Variants in NTRK3 observed in about 807,000 individuals in gnomAD.
NTRK3 encodes the protein NT-3 growth factor receptor.
Under a neutral mutation model 91.7 loss-of-function variants are expected in NTRK3, and 24 were observed. The ratio of observed to expected loss-of-function variants is 0.26; its 90% CI spans 0.19 to 0.37. NTRK3 has a LOEUF of 0.37. Among genes scored for constraint, NTRK3 ranks in the 10% least tolerant of loss-of-function variants. The pLI, the probability that NTRK3 is intolerant of heterozygous loss-of-function variation, is 1.00. For synonymous variants in NTRK3, 483 were observed against 404.0 expected (o/e 1.20, Z -2.34); for missense variants, 880 against 1,068.9 (o/e 0.82, Z 2.46).
chr15:88,058,067 C>T (rs1484654790), intron 13 of NTRK3, among the ~76,000 whole-genome samples: 2 of 152,190 alleles, frequency 1.3e-5, no homozygotes, highest in Non-Finnish European at 2.9e-5. Flanking sequence ...ATCTCACTGG[C>T]TCTGCAAGCC....
intron 3 of NTRK3, among the ~76,000 whole-genome samples, chr15:88,217,768 T>TTTTTG (rs1289086791): frequency 6.6e-6 from 1 of 151,232 alleles, no homozygotes; most frequent in Admixed American, 6.6e-5. Flanking sequence ...AGCACAATTT[T>TTTTTG]TTTTTTTTGA....
At chr15:88,091,072 T>A (rs1021060235) in intron 13 of NTRK3, among the ~76,000 whole-genome samples, 4 of 152,222 alleles carry the variant, frequency 2.6e-5, no homozygotes, top group African/African-American at 9.6e-5. Flanking sequence ...AGTCAGGGGC[T>A]AGGGGAGTGG....
chr15:88,128,408 T>A (rs1469352751), intron 11 of NTRK3, among the ~76,000 whole-genome samples: 1 of 152,148 alleles, frequency 6.6e-6, no homozygotes, highest in East Asian at 1.9e-4. Flanking sequence ...TTGAGGCACA[T>A]GAAACCCATG....
chr15:88,137,260 G>C (rs2041962640), intron 7 of NTRK3, 144 bp downstream of exon 7: 1 of 878,624 alleles, frequency 1.1e-6, no homozygotes, highest in Non-Finnish European at 1.8e-6. Flanking sequence ...TGAGTCAGGA[G>C]GTCTGCACAC....
At chr15:88,117,114 T>C (rs1207588326) in intron 13 of NTRK3, among the ~76,000 whole-genome samples, 1 of 152,204 alleles carries the variant, frequency 6.6e-6, no homozygotes, top group Admixed American at 6.5e-5. Flanking sequence ...GAGTGTGGCC[T>C]AGGTTTGGGA....
chr15:88,152,575 C>A (rs1311353925), intron 5 of NTRK3, among the ~76,000 whole-genome samples: 2 of 152,252 alleles, frequency 1.3e-5, no homozygotes, highest in Non-Finnish European at 2.9e-5. Context: ...TCTTAGGCTT[C>A]TAGCCTCCAG....
rs1567261768 is a variant in NTRK3 at position 88,033,177 on chromosome 15, TA to T, written c.1397-133del. On this transcript the variant is annotated intron_variant, in intron 13 of 18. Coordinates refer to ENST00000394480, the Ensembl canonical transcript of NTRK3. ...TTTTTTTTACTTTTGGGGGGTGTGTTATATATATATATATATATATATATAT... is the reference window on the plus strand; with the variant it reads ...TTTTTTTTACTTTTGGGGGGTGTGTTTATATATATATATATATATATATAT... 1.5e-3 allele frequency: 123 copies of T among 82,560 alleles called. 8 individuals carry two copies. The African/African-American group carries it at 0.027, about 18-fold the overall frequency. The allele number at this position is 82,560 out of a possible 1,614,324, so 5.1% of individuals were successfully genotyped here.
At chr15:88,146,052 G>A (rs539899090) in intron 6 of NTRK3, among the ~76,000 whole-genome samples, 25 of 152,274 alleles carry the variant, frequency 1.6e-4, no homozygotes, top group Admixed American at 5.2e-4. Context: ...CTACCTTAAG[G>A]AATTGCCATA....
chr15:87,925,940 G>A (rs1225063920), intron 17 of NTRK3, among the ~76,000 whole-genome samples: 1 of 152,178 alleles, frequency 6.6e-6, no homozygotes, highest in Non-Finnish European at 1.5e-5. Flanking sequence ...AATATAAACA[G>A]GAGTTTATCC....
intron 3 of NTRK3, among the ~76,000 whole-genome samples, chr15:88,191,163 CGTGTGTGTGTGTGTGTGT>C (rs60048541): frequency 9.1e-4 from 125 of 137,966 alleles, no homozygotes; most frequent in African/African-American, 2.0e-3. Context: ...TGATGTTTCC[CGTGTGTGTGTGTGTGTGT>C]GTGTGTGTGT....
chr15:88,059,491 T>C (rs980945346), intron 13 of NTRK3, among the ~76,000 whole-genome samples: 1 of 152,150 alleles, frequency 6.6e-6, no homozygotes, highest in Non-Finnish European at 1.5e-5. Context: ...CCCATATAAA[T>C]ATTCTCCATG....
exon 19 of NTRK3, chr15:87,863,779 G>A (rs1182666483): frequency 1.7e-5 from 4 of 230,522 alleles, no homozygotes; most frequent in Admixed American, 1.1e-4. Context: ...GGCTTGCTAT[G>A]ACTAAATGTT....
intron 13 of NTRK3, among the ~76,000 whole-genome samples, chr15:88,059,453 C>G (rs537123107): frequency 6.6e-6 from 1 of 152,300 alleles, no homozygotes; most frequent in East Asian, 1.9e-4. Context: ...TAGGCACACA[C>G]CTGAAACAAA....
intron 14 of NTRK3, among the ~76,000 whole-genome samples, chr15:88,016,085 GGC>G (rs1309149536): frequency 6.6e-6 from 1 of 152,020 alleles, no homozygotes; most frequent in African/African-American, 2.4e-5. Context: ...GTGCATATAA[GGC>G]AAAATGTCAT....
chr15:87,933,370 C>T (rs919164499), intron 15 of NTRK3, among the ~76,000 whole-genome samples, 186 bp from the exon 16 acceptor site: 1 of 152,222 alleles, frequency 6.6e-6, no homozygotes, highest in Non-Finnish European at 1.5e-5. Flanking sequence ...CCAGCATTTT[C>T]ATCCCTGCAG....
chr15:88,090,688 C>T (rs2048936571), intron 13 of NTRK3, among the ~76,000 whole-genome samples: 1 of 152,158 alleles, frequency 6.6e-6, no homozygotes, highest in Non-Finnish European at 1.5e-5. Context: ...TAAGACACAA[C>T]TTTGCATTTC....
At chr15:88,165,432 A>T (rs1230214222) in intron 5 of NTRK3, among the ~76,000 whole-genome samples, 1 of 152,174 alleles carries the variant, frequency 6.6e-6, no homozygotes, top group Non-Finnish European at 1.5e-5. Context: ...CTTAATTTAA[A>T]ATCTTGAGAT....
intron 14 of NTRK3, among the ~76,000 whole-genome samples, chr15:87,986,136 T>C (rs1445820592): frequency 6.6e-6 from 1 of 152,240 alleles, no homozygotes; most frequent in Non-Finnish European, 1.5e-5. Context: ...GAGCATCTTC[T>C]TTTCTTGCTT....
At chr15:87,862,948 C>G (rs1253151494) in exon 19 of NTRK3, 1 of 230,400 alleles carries the variant, frequency 4.3e-6, no homozygotes, top group African/African-American at 2.2e-5. Context: ...CCTCCAGATG[C>G]ACACTGAGTC....
Sources: gnomAD v4.1 joint callset for allele counts (sites outside exome capture counted in the v4.1 genomes callset) on GRCh38, gnomAD v4.1.1 for gene constraint, MANE v1.5 for transcripts, NCBI Gene and HGNC (gene_info 2026-07-23, HGNC 2026-07-21) for gene names.